Variants in SELENOT observed in about 807,000 individuals in gnomAD.
The protein encoded by SELENOT is selenoprotein T.
Under a neutral mutation model 24.3 loss-of-function variants are expected in SELENOT, and 9 were observed. The ratio of observed to expected loss-of-function variants is 0.37; its 90% CI spans 0.22 to 0.65. The LOEUF (loss-of-function observed/expected upper bound fraction) is 0.65, where lower values mean the gene tolerates loss of function less well. SELENOT is among the 30% of genes least tolerant of loss of function. The pLI, the probability that SELENOT is intolerant of heterozygous loss-of-function variation, is 0.60. For missense variants in SELENOT, 166 were observed against 247.6 expected (o/e 0.67, Z 2.21); for synonymous variants, 81 against 86.0 (o/e 0.94, Z 0.32).
At chr3:150,626,464 C>T (rs550484200) in intron 4 of SELENOT, among the ~76,000 whole-genome samples, 151 of 152,298 alleles carry the variant, frequency 9.9e-4, no homozygotes, top group African/African-American at 3.2e-3. Flanking sequence ...GACTATGTAT[C>T]TTCCCTAGCC....
At chr3:150,612,341 C>T (rs113584363) in intron 1 of SELENOT, among the ~76,000 whole-genome samples, 11 of 152,208 alleles carry the variant, frequency 7.2e-5, no homozygotes, top group African/African-American at 1.9e-4. Context: ...GATTGGCCCT[C>T]CTCGGCCTCC....
At chr3:150,611,223 G>A (rs1289785982) in intron 1 of SELENOT, 1 of 976,674 alleles carries the variant, frequency 1.0e-6, no homozygotes, top group African/African-American at 1.6e-5. Flanking sequence ...GCGGTAAACA[G>A]TGTTAACATC....
intron 1 of SELENOT, chr3:150,614,434 A>AT (rs771390547): frequency 2.0e-5 from 3 of 150,518 alleles, no homozygotes; most frequent in Non-Finnish European, 3.0e-5. Context: ...TTAATGGAGG[A>AT]TTTTAGAAGG....
intron 1 of SELENOT, among the ~76,000 whole-genome samples, chr3:150,621,614 CT>C (rs35489270): frequency 2.2e-3 from 176 of 80,542 alleles, no homozygotes; most frequent in African/African-American, 5.3e-3. Flanking sequence ...GGCATATTTC[CT>C]TTTTTTTTTT....
At chr3:150,620,800 T>A (rs1020579021) in intron 1 of SELENOT, among the ~76,000 whole-genome samples, 1 of 152,212 alleles carries the variant, frequency 6.6e-6, no homozygotes, top group Non-Finnish European at 1.5e-5. Flanking sequence ...TTAAGGTAGT[T>A]AGGCTTATAG....
chr3:150,622,578 A>G (rs562716170), intron 2 of SELENOT, 83 bp downstream of exon 2: 79 of 551,434 alleles, frequency 1.4e-4, no homozygotes, highest in African/African-American at 1.4e-3. Flanking sequence ...AGCTGTCCTT[A>G]GTTATTGTAA....
intron 1 of SELENOT, among the ~76,000 whole-genome samples, chr3:150,617,352 G>C (rs1237908235): frequency 6.6e-6 from 1 of 152,162 alleles, no homozygotes; most frequent in African/African-American, 2.4e-5. Context: ...TATAATCCTA[G>C]CACTTTGGGA....
intron 1 of SELENOT, among the ~76,000 whole-genome samples, chr3:150,615,579 T>A (rs1198728163): frequency 6.6e-6 from 1 of 152,170 alleles, no homozygotes; most frequent in Non-Finnish European, 1.5e-5. Flanking sequence ...AGCCAAATCA[T>A]GAGTGAACTC....
intron 1 of SELENOT, among the ~76,000 whole-genome samples, chr3:150,610,229 A>T (rs6798173): frequency 0.69 from 104,548 of 151,938 alleles, 36,722 homozygotes; most frequent in East Asian, 1. Context: ...CATTTGTACC[A>T]CAAGCAAGAC....
chr3:150,613,665 C>CTTTTT lies in SELENOT; in HGVS notation c.138-8696_138-8692dup, dbSNP rs531822237. Reference sequence around the variant, plus strand: ...CACTAAATTATGCAGAAGATGGGAACTTTTTTTTTTTTTTTTTTTTTTTTT... The same window carrying CTTTTT: ...CACTAAATTATGCAGAAGATGGGAACTTTTTTTTTTTTTTTTTTTTTTTTTTTTTT... On this transcript the variant is annotated intron_variant, in intron 1 of 5. Coordinates refer to ENST00000471696, the MANE Select transcript of SELENOT (RefSeq NM_016275.5). 1.0e-3 allele frequency among the ~76,000 whole-genome samples: 81 copies of CTTTTT among 78,912 alleles called. 7 individuals carry two copies. Among genetic ancestry groups the CTTTTT allele is most frequent in the African/African-American group, 2.0e-3 (42 of 20,676 alleles). The allele number at this position is 78,912 out of a possible 152,430, so 51.8% of individuals were successfully genotyped here. A position where few individuals can be genotyped will look rare whatever the true frequency, so the allele number is the denominator to read the frequency against.
chr3:150,624,709 T>C (rs916556333), intron 3 of SELENOT, 103 bp from the exon 4 acceptor site: 2 of 631,102 alleles, frequency 3.2e-6, no homozygotes, highest in Non-Finnish European at 5.3e-6. Flanking sequence ...TCTGAACATA[T>C]GGAATAGCAG....
At chr3:150,607,685 T>A (rs1725997344) in intron 1 of SELENOT, among the ~76,000 whole-genome samples, 1 of 152,176 alleles carries the variant, frequency 6.6e-6, no homozygotes, top group African/African-American at 2.4e-5. Context: ...TGAACTGAGA[T>A]TCGAAGGATA....
rs1389201471 is a variant in SELENOT at position 150,630,368 on chromosome 3, CAA to C, written c.*2741_*2742del. ...AAAAAAGAGATCTTTTTGAGAGAAA[CAA>C]ATGAGGATTGTAAAGTTTGGGGACT... On this transcript the variant is annotated 3_prime_UTR_variant, in exon 6 of 6. Coordinates refer to ENST00000471696, the MANE Select transcript of SELENOT (RefSeq NM_016275.5). 5 of 151,964 alleles carry C rather than the reference CAA, an allele frequency of 3.3e-5. No individual in the cohort carries two copies. In the South Asian group the frequency reaches 6.2e-4, roughly 19 times the overall value. 9.4% of individuals were successfully genotyped at this position (151,964 alleles called of 1,614,324 possible). A position where few individuals can be genotyped will look rare whatever the true frequency, so the allele number is the denominator to read the frequency against.
At chr3:150,606,447 G>A (rs1279820987) in intron 1 of SELENOT, among the ~76,000 whole-genome samples, 2 of 152,082 alleles carry the variant, frequency 1.3e-5, no homozygotes. Flanking sequence ...TATTACTTGT[G>A]TATCTGAGTC....
chr3:150,611,977 A>G, intron 1 of SELENOT: 2 of 606,484 alleles, frequency 3.3e-6, no homozygotes, highest in South Asian at 4.0e-5. Context: ...GCTGCATGGC[A>G]GAACACCAAC....
chr3:150,629,312 G>C lies in SELENOT; in HGVS notation c.*1683G>C, dbSNP rs1304684893. The C allele has an allele frequency of 6.6e-6, 1 of 152,542 alleles. No homozygotes were observed. The highest frequency in any genetic ancestry group is 1.5e-5 in the Non-Finnish European group (1 of 68,022). The allele number at this position is 152,542 out of a possible 1,614,324, so 9.4% of individuals were successfully genotyped here. On this transcript the variant is annotated 3_prime_UTR_variant, in exon 6 of 6. Transcript: ENST00000471696. Reference sequence around the variant, plus strand: ...GTCATAAACTTAAGTTCTTCATATAGTGACAAGAGTCCTTAGAGATTGTTA... The same window carrying C: ...GTCATAAACTTAAGTTCTTCATATACTGACAAGAGTCCTTAGAGATTGTTA...
intron 1 of SELENOT, among the ~76,000 whole-genome samples, chr3:150,612,354 A>G (rs1726115239): frequency 6.6e-6 from 1 of 152,136 alleles, no homozygotes; most frequent in African/African-American, 2.4e-5. Context: ...CGGCCTCCCA[A>G]AGTGCTGGGA....
intron 1 of SELENOT, chr3:150,614,726 T>C (rs866638832): frequency 1.2e-4 from 19 of 152,288 alleles, no homozygotes; most frequent in African/African-American, 4.3e-4. Flanking sequence ...ATTATTTATT[T>C]AGAATTTATG....
intron 1 of SELENOT, among the ~76,000 whole-genome samples, chr3:150,621,035 A>G (rs1357033089): frequency 1.3e-5 from 2 of 152,202 alleles, no homozygotes; most frequent in Non-Finnish European, 2.9e-5. Context: ...TAGTAATTTG[A>G]ACTCAGAAAA....
Sources: allele counts gnomAD v4.1 joint callset (sites outside exome capture counted in the v4.1 genomes callset), GRCh38; gene constraint gnomAD v4.1.1; transcripts MANE v1.5; gene names NCBI Gene and HGNC (gene_info 2026-07-23, HGNC 2026-07-21).